Variants in DSCAM observed in about 807,000 individuals in gnomAD.
DSCAM encodes cell adhesion molecule DSCAM.
A neutral mutation model predicts 217.7 loss-of-function variants in DSCAM; 47 were observed. The ratio of observed to expected loss-of-function variants is 0.22; its 90% CI spans 0.17 to 0.28. The LOEUF (loss-of-function observed/expected upper bound fraction) is 0.28. DSCAM is among the 10% of genes least tolerant of loss of function. The pLI, the probability that DSCAM is intolerant of heterozygous loss-of-function variation, is 1.00. For synonymous variants in DSCAM, 1,056 were observed against 1,015.3 expected (o/e 1.04, Z -0.76); for missense variants, 2,080 against 2,618.3 (o/e 0.79, Z 4.49).
At chr21:40,245,201 C>A (rs1168544300) in intron 11 of DSCAM, among the ~76,000 whole-genome samples, 3 of 152,200 alleles carry the variant, frequency 2.0e-5, no homozygotes. Flanking sequence ...GGTAATGACA[C>A]ATGATGGGTG....
intron 3 of DSCAM, among the ~76,000 whole-genome samples, chr21:40,448,927 G>A (rs2075697218): frequency 6.6e-6 from 1 of 152,166 alleles, no homozygotes; most frequent in Non-Finnish European, 1.5e-5. Flanking sequence ...TTGGTGGTTA[G>A]GAGTTGAACT....
intron 16 of DSCAM, among the ~76,000 whole-genome samples, chr21:40,158,233 A>C (rs754515576): frequency 1.3e-5 from 2 of 152,002 alleles, no homozygotes; most frequent in Non-Finnish European, 2.9e-5. Flanking sequence ...AAAATCAAAA[A>C]GTTAACTGGG....
chr21:40,776,610 G>A (rs983482569), intron 1 of DSCAM, among the ~76,000 whole-genome samples: 2 of 152,218 alleles, frequency 1.3e-5, no homozygotes, highest in Admixed American at 1.3e-4. Context: ...GACAGGAGGA[G>A]TCATTGTGGA....
chr21:40,724,767 A>C (rs898612504), intron 1 of DSCAM, among the ~76,000 whole-genome samples: 3 of 152,238 alleles, frequency 2.0e-5, no homozygotes, highest in African/African-American at 7.2e-5. Context: ...TGAAATGACA[A>C]AAAGACATAA....
At chr21:40,551,215 C>G (rs2076626907) in intron 3 of DSCAM, among the ~76,000 whole-genome samples, 2 of 152,248 alleles carry the variant, frequency 1.3e-5, no homozygotes, top group South Asian at 4.1e-4. Flanking sequence ...CATAAGACAT[C>G]AATCAATACA....
intron 3 of DSCAM, among the ~76,000 whole-genome samples, chr21:40,610,428 G>T (rs1041397356): frequency 2.0e-5 from 3 of 152,234 alleles, no homozygotes; most frequent in African/African-American, 7.2e-5. Flanking sequence ...AGCACGGGCT[G>T]CCCATGACCC....
chr21:40,832,839 T>G (rs1159455381), intron 1 of DSCAM, among the ~76,000 whole-genome samples: 1 of 152,102 alleles, frequency 6.6e-6, no homozygotes, highest in Non-Finnish European at 1.5e-5. Context: ...AACACCACCA[T>G]CGATATTTTC....
chr21:40,570,518 C>T (rs1010490940), intron 3 of DSCAM, among the ~76,000 whole-genome samples: 1 of 152,180 alleles, frequency 6.6e-6, no homozygotes, highest in Non-Finnish European at 1.5e-5. Context: ...CACAAAGAAA[C>T]AACAAAACAA....
intron 8 of DSCAM, among the ~76,000 whole-genome samples, chr21:40,317,385 A>G (rs1489987623): frequency 6.6e-6 from 1 of 152,220 alleles, no homozygotes; most frequent in Admixed American, 6.5e-5. Flanking sequence ...TATCACATTG[A>G]TGACTCAAGT....
chr21:40,734,361 T>G (rs1346233302), intron 1 of DSCAM, among the ~76,000 whole-genome samples: 3 of 152,146 alleles, frequency 2.0e-5, no homozygotes, highest in East Asian at 3.9e-4. Context: ...AAGTCACTCA[T>G]GGGCCAGAGG....
chr21:40,603,781 TG>T (rs2146265501), intron 3 of DSCAM, among the ~76,000 whole-genome samples: 1 of 152,250 alleles, frequency 6.6e-6, no homozygotes, highest in Admixed American at 6.5e-5. Context: ...TTGTGTAGCT[TG>T]TGGCAAAAAG....
intron 1 of DSCAM, among the ~76,000 whole-genome samples, chr21:40,824,403 A>ATTTTTTTTTTTT (rs536114434): frequency 0.068 from 8,179 of 119,934 alleles, 594 homozygotes; most frequent in African/African-American, 0.11. Flanking sequence ...TTTATTATTG[A>ATTTTTTTTTTTT]TTTTTTTTTT....
intron 3 of DSCAM, among the ~76,000 whole-genome samples, chr21:40,686,057 G>A (rs1310940895): frequency 2.0e-5 from 3 of 152,038 alleles, no homozygotes; most frequent in African/African-American, 7.3e-5. Flanking sequence ...AGGAAATCAA[G>A]GGGGATTTTA....
chr21:40,295,562 G>A (rs1267890709), intron 10 of DSCAM, among the ~76,000 whole-genome samples: 1 of 152,098 alleles, frequency 6.6e-6, no homozygotes, highest in African/African-American at 2.4e-5. Flanking sequence ...GCACGCCAAG[G>A]AGATGACGTG....
intron 21 of DSCAM, among the ~76,000 whole-genome samples, chr21:40,089,993 A>C (rs1284873205): frequency 6.6e-6 from 1 of 151,928 alleles, no homozygotes; most frequent in Non-Finnish European, 1.5e-5. Flanking sequence ...TGTCCTCCCC[A>C]TTCCCTGCAA....
At chr21:40,518,917 C>T (rs1026955689) in intron 3 of DSCAM, among the ~76,000 whole-genome samples, 4 of 151,966 alleles carry the variant, frequency 2.6e-5, no homozygotes. Flanking sequence ...TACTGTGTAG[C>T]CTATTGCTCC....
intron 3 of DSCAM, among the ~76,000 whole-genome samples, chr21:40,633,391 C>G (rs1403761276): frequency 6.6e-6 from 1 of 152,222 alleles, no homozygotes; most frequent in Non-Finnish European, 1.5e-5. Flanking sequence ...CAGGGACCCA[C>G]AGCTCAGATA....
chr21:40,714,695 C>G (rs1264110578), intron 1 of DSCAM, among the ~76,000 whole-genome samples: 4 of 152,196 alleles, frequency 2.6e-5, no homozygotes, highest in African/African-American at 7.2e-5. Flanking sequence ...GAGTCTCACT[C>G]ATATCTGATT....
chr21:40,622,276 T>C (rs112185866), intron 3 of DSCAM, among the ~76,000 whole-genome samples: 3,582 of 64,814 alleles, frequency 0.055, 149 homozygotes, highest in African/African-American at 0.12. Flanking sequence ...GCCCCACTGT[T>C]GGAGGTGTAC....
Sources: gnomAD v4.1 joint callset for allele counts (sites outside exome capture counted in the v4.1 genomes callset) on GRCh38, gnomAD v4.1.1 for gene constraint, MANE v1.5 for transcripts, NCBI Gene and HGNC (gene_info 2026-07-23, HGNC 2026-07-21) for gene names.